Variants in NRG1 observed in about 807,000 individuals in gnomAD.
The protein encoded by NRG1 is neuregulin 1, also known as pro-neuregulin-1, membrane-bound isoform.
Under a neutral mutation model 63.8 loss-of-function variants are expected in NRG1, and 18 were observed. The ratio of observed to expected loss-of-function variants is 0.28; its 90% CI spans 0.19 to 0.42. The LOEUF (loss-of-function observed/expected upper bound fraction) is 0.42. Ranked by LOEUF, NRG1 falls within the 10% of genes least tolerant of loss-of-function variation. NRG1 has a pLI of 1.00. For synonymous variants in NRG1, 302 were observed against 301.3 expected, an observed-to-expected ratio of 1.00 and a Z score of -0.02; for missense variants, 762 against 814.7, an observed-to-expected ratio of 0.94 and a Z score of 0.79.
rs140658153 is a variant in NRG1 at position 32,708,675 on chromosome 8, G to A, written c.503-19274G>A. The stretch of plus-strand genomic sequence containing the variant: ...ACAGAATTTACAGGTTATTGTGAGA[G>A]CCTATGAGATCATGTGTATTTTTGC... On this transcript the variant is annotated intron_variant, in intron 5 of 11. Transcript: ENST00000356819. Among the ~76,000 whole-genome samples the A allele has an allele frequency of 1.5e-3, 224 of 152,318 alleles. 2 individuals carry two copies. Among genetic ancestry groups the A allele is most frequent in the African/African-American group, 5.1e-3 (213 of 41,572 alleles).
rs147063859 is a variant in NRG1, at chr8:32,612,466, A to T, written c.401-2048A>T. ...TTAATTCAGAAAGTTTGTATTTGAA[A>T]CCATAATCATTAAAGATATTTTAAG... On this transcript the variant is annotated intron_variant, in intron 3 of 11. Coordinates refer to ENST00000356819, the Ensembl canonical transcript of NRG1. 6.9e-3 allele frequency among the ~76,000 whole-genome samples: 1,053 copies of T among 152,132 alleles called. 13 individuals carry two copies. Among genetic ancestry groups the T allele is most frequent in the African/African-American group, 0.024 (983 of 41,540 alleles).
At chr8:32,534,277 G>T (rs1415244946) in intron 1 of NRG1, among the ~76,000 whole-genome samples, 4 of 152,060 alleles carry the variant, frequency 2.6e-5, no homozygotes, top group Non-Finnish European at 1.5e-5. Context: ...AGCAAAAACA[G>T]CTAGTTAGTC....
intron 1 of NRG1, among the ~76,000 whole-genome samples, chr8:32,152,723 C>T (rs1201084782): frequency 3.3e-5 from 5 of 151,860 alleles, no homozygotes; most frequent in East Asian, 1.9e-4. Flanking sequence ...TGGTTAAATC[C>T]ACAAAAAAAA....
chr8:32,219,060 C>T (rs1305603789), intron 1 of NRG1, among the ~76,000 whole-genome samples: 1 of 152,116 alleles, frequency 6.6e-6, no homozygotes, highest in Non-Finnish European at 1.5e-5. Flanking sequence ...TTCCTGCTTA[C>T]ACAATACAGA....
chr8:32,427,947 C>T (rs950857123), intron 1 of NRG1, among the ~76,000 whole-genome samples: 2 of 152,206 alleles, frequency 1.3e-5, no homozygotes, highest in Non-Finnish European at 2.9e-5. Flanking sequence ...TGGTCACAAA[C>T]TACCCCAAAA....
At chr8:31,918,893 G>C (rs61052743) in intron 1 of NRG1, among the ~76,000 whole-genome samples, 13,062 of 151,948 alleles carry the variant, frequency 0.086, 808 homozygotes, top group Admixed American at 0.18. Flanking sequence ...TGTTATTGGT[G>C]TATTCAGAGA....
chr8:32,048,832 GTTGT>G (rs1821519190), intron 1 of NRG1, among the ~76,000 whole-genome samples: 1 of 151,780 alleles, frequency 6.6e-6, no homozygotes, highest in African/African-American at 2.4e-5. Context: ...TTGCTGTTGA[GTTGT>G]TTGAGTTCCT....
At chr8:32,228,544 GT>G (rs1167373295) in intron 1 of NRG1, among the ~76,000 whole-genome samples, 3 of 152,012 alleles carry the variant, frequency 2.0e-5, no homozygotes, top group Non-Finnish European at 2.9e-5. Context: ...TCATTTATTA[GT>G]TTTTTAATTT....
intron 1 of NRG1, among the ~76,000 whole-genome samples, chr8:31,814,269 A>G (rs985505092): frequency 8.5e-5 from 13 of 152,214 alleles, no homozygotes; most frequent in Non-Finnish European, 1.6e-4. Flanking sequence ...TACCTGGAAT[A>G]AAACACCCAG....
intron 1 of NRG1, among the ~76,000 whole-genome samples, chr8:32,234,712 C>T (rs952680084): frequency 2.0e-5 from 3 of 152,156 alleles, no homozygotes; most frequent in East Asian, 1.9e-4. Context: ...ACTTGATATA[C>T]TCATCCTGTG....
At chr8:32,546,028 A>T (rs1833029928), upstream of NRG1, among the ~76,000 whole-genome samples, 1 of 152,150 alleles carries the variant, frequency 6.6e-6, no homozygotes, top group Non-Finnish European at 1.5e-5. Context: ...CCTCAGCCCT[A>T]AAATTCCTGT....
At chr8:32,118,435 A>G (rs1397869546) in intron 1 of NRG1, among the ~76,000 whole-genome samples, 1 of 152,054 alleles carries the variant, frequency 6.6e-6, no homozygotes, top group Non-Finnish European at 1.5e-5. Flanking sequence ...ATGAGTGCAA[A>G]CAGCCTGAGG....
At chr8:32,598,554 A>T (rs539860996) in intron 2 of NRG1, among the ~76,000 whole-genome samples, 1 of 152,226 alleles carries the variant, frequency 6.6e-6, no homozygotes, top group Non-Finnish European at 1.5e-5. Context: ...ATAAAATCCC[A>T]TTATACCAGA....
chr8:32,656,612 G>T (rs189555274), intron 5 of NRG1, among the ~76,000 whole-genome samples: 1 of 152,088 alleles, frequency 6.6e-6, no homozygotes, highest in Non-Finnish European at 1.5e-5. Flanking sequence ...CTTTAAAGTA[G>T]AACTAGAAAT....
chr8:32,286,127 C>T (rs377316785), intron 1 of NRG1, among the ~76,000 whole-genome samples: 11 of 152,312 alleles, frequency 7.2e-5, no homozygotes, highest in African/African-American at 2.2e-4. Flanking sequence ...GTAAACAAGG[C>T]GCCTCTACCT....
At chr8:32,191,588 A>C (rs1203121136) in intron 1 of NRG1, among the ~76,000 whole-genome samples, 1 of 152,224 alleles carries the variant, frequency 6.6e-6, no homozygotes, top group African/African-American at 2.4e-5. Flanking sequence ...CCTTAGCAGA[A>C]TACAGGCTTC....
At chr8:32,433,481 G>C (rs1818418127) in intron 1 of NRG1, among the ~76,000 whole-genome samples, 1 of 152,128 alleles carries the variant, frequency 6.6e-6, no homozygotes, top group African/African-American at 2.4e-5. Context: ...TTTTGGGCTT[G>C]TATTTTTTCC....
intron 1 of NRG1, among the ~76,000 whole-genome samples, chr8:32,133,997 A>T (rs1048750272): frequency 3.3e-5 from 5 of 152,126 alleles, no homozygotes; most frequent in Admixed American, 2.0e-4. Context: ...TAACTTAAAA[A>T]CAAAAGTCCA....
At chr8:32,252,145 T>A (rs1311972519) in intron 1 of NRG1, among the ~76,000 whole-genome samples, 1 of 152,180 alleles carries the variant, frequency 6.6e-6, no homozygotes, top group Non-Finnish European at 1.5e-5. Context: ...TTCTGTAGGT[T>A]GCCTGTTCAC....
Sources: gnomAD v4.1 joint callset for allele counts (sites outside exome capture counted in the v4.1 genomes callset) on GRCh38, gnomAD v4.1.1 for gene constraint, MANE v1.5 for transcripts, NCBI Gene and HGNC (gene_info 2026-07-23, HGNC 2026-07-21) for gene names.